Variants in OCA2 observed in about 807,000 individuals in gnomAD.
OCA2 encodes OCA2 melanosomal transmembrane protein.
In OCA2, 77 loss-of-function variants were observed where a neutral mutation model predicts 100.2. The observed-to-expected ratio is 0.77, with a 90% CI of 0.64 to 0.93. OCA2 has a LOEUF of 0.93. OCA2 is among the 40% of genes least tolerant of loss of function. OCA2 has a pLI of 0.00. For missense variants in OCA2, 1,062 were observed against 1,089.1 expected, an observed-to-expected ratio of 0.98 and a Z score of 0.35; for synonymous variants, 432 against 439.2, an observed-to-expected ratio of 0.98 and a Z score of 0.21.
chr15:28,068,398 A>C (rs1272511961), intron 2 of OCA2, among the ~76,000 whole-genome samples: 1 of 152,242 alleles, frequency 6.6e-6, no homozygotes, highest in Non-Finnish European at 1.5e-5. Flanking sequence ...ATCTCCCAAG[A>C]CTGAATTAGG....
At chr15:28,013,103 C>A (rs536206875) in intron 9 of OCA2, among the ~76,000 whole-genome samples, 6 of 152,188 alleles carry the variant, frequency 3.9e-5, no homozygotes, top group Non-Finnish European at 8.8e-5. Flanking sequence ...GACAGCAGGA[C>A]ATCCAGACAT....
chr15:28,014,609 T>C (rs1304796349), intron 9 of OCA2, among the ~76,000 whole-genome samples, 167 bp downstream of exon 9: 1 of 152,218 alleles, frequency 6.6e-6, no homozygotes, highest in East Asian at 1.9e-4. Flanking sequence ...TATTCCTGTA[T>C]GGTTCCCTTT....
Position 27,985,430 on chromosome 15 carries a change from G to A in OCA2, c.1240-242C>T, listed in dbSNP as rs536933067. On this transcript the variant is annotated intron_variant, in intron 12 of 23. Coordinates refer to ENST00000354638, the MANE Select transcript of OCA2 (RefSeq NM_000275.3). Reference sequence around the variant, plus strand: ...CCCTCTGATCCTCTTCCTTCACAGAGCCCCTGTGATGGTTAATTTGTCACA... The same window carrying A: ...CCCTCTGATCCTCTTCCTTCACAGAACCCCTGTGATGGTTAATTTGTCACA... Among the ~76,000 whole-genome samples, 22 of 152,226 alleles carry A rather than the reference G, an allele frequency of 1.4e-4. No individual in the cohort carries two copies. The South Asian group carries it at 4.4e-3, about 30-fold the overall frequency.
chr15:28,063,737 C>T (rs73377755), intron 2 of OCA2, among the ~76,000 whole-genome samples: 9,047 of 152,152 alleles, frequency 0.059, 877 homozygotes, highest in African/African-American at 0.21. Flanking sequence ...ATAAAGTACA[C>T]GTTTACACAT....
chr15:27,806,882 C>T (rs2033875682), intron 23 of OCA2, among the ~76,000 whole-genome samples: 1 of 152,146 alleles, frequency 6.6e-6, no homozygotes, highest in Admixed American at 6.5e-5. Flanking sequence ...TGGGTCAGCC[C>T]CTCAGTCTCT....
At chr15:28,010,180 G>C (rs1455012816) in intron 9 of OCA2, among the ~76,000 whole-genome samples, 2 of 151,918 alleles carry the variant, frequency 1.3e-5, no homozygotes, top group Admixed American at 1.3e-4. Context: ...AAAAGAGAGA[G>C]AGAGAAGAAA....
intron 6 of OCA2, among the ~76,000 whole-genome samples, chr15:28,019,687 G>A (rs1305028333): frequency 6.6e-6 from 1 of 152,128 alleles, no homozygotes; most frequent in Non-Finnish European, 1.5e-5. Context: ...CCGGGAGGAG[G>A]CCTCGAGCTC....
chr15:27,878,404 T>C (rs543524644), intron 19 of OCA2, among the ~76,000 whole-genome samples: 8 of 152,166 alleles, frequency 5.3e-5, no homozygotes, highest in Non-Finnish European at 1.2e-4. Context: ...CTGCTGGAAA[T>C]GAATTCCAGT....
chr15:27,731,066 G>T, the OCA2 span, among the ~76,000 whole-genome samples: 12 of 152,006 alleles, frequency 7.9e-5, no homozygotes, highest in South Asian at 2.1e-4. Context: ...ATAGTAAGCA[G>T]AATGGCATTC....
At chr15:27,989,144 TC>T (rs2041460350) in intron 11 of OCA2, among the ~76,000 whole-genome samples, 2 of 152,020 alleles carry the variant, frequency 1.3e-5, no homozygotes, top group South Asian at 4.2e-4. Context: ...CACTTCGAGA[TC>T]CTGCAGGTGG....
At chr15:28,049,424 A>G (rs932725804) in intron 2 of OCA2, among the ~76,000 whole-genome samples, 2 of 152,246 alleles carry the variant, frequency 1.3e-5, no homozygotes, top group South Asian at 2.1e-4. Context: ...AGGTTCTCAC[A>G]AAGTTAAACA....
rs559315336 is a variant in OCA2, at chr15:27,992,124, G to A, written c.1045-1477C>T. On this transcript the variant is annotated intron_variant, in intron 9 of 23. Transcript: ENST00000354638. ...AGGACGCTTTTTTTTTTTTTGAGAC[G>A]GAGTCTCACTCCGTTGCCGAGGCTG... Among the ~76,000 whole-genome samples the A allele has an allele frequency of 7.8e-3, 1,172 of 150,244 alleles. 10 individuals carry two copies. The highest frequency in any genetic ancestry group is 0.011 in the Non-Finnish European group (747 of 67,658).
At chr15:27,889,418 T>A (rs1378034727) in intron 19 of OCA2, among the ~76,000 whole-genome samples, 1 of 152,128 alleles carries the variant, frequency 6.6e-6, no homozygotes, top group African/African-American at 2.4e-5. Context: ...AGATGAGTCA[T>A]CCTGTCTGGA....
chr15:27,840,821 G>GA (rs949748041), intron 23 of OCA2, among the ~76,000 whole-genome samples: 2 of 152,068 alleles, frequency 1.3e-5, no homozygotes, highest in African/African-American at 4.8e-5. Flanking sequence ...AAACCTGGGA[G>GA]AAAAAAAGGG....
intron 21 of OCA2, among the ~76,000 whole-genome samples, chr15:27,866,551 T>A (rs995925733): frequency 6.6e-6 from 1 of 152,196 alleles, no homozygotes; most frequent in African/African-American, 2.4e-5. Flanking sequence ...TTGCTAAATA[T>A]CTTTTTGGTG....
the OCA2 span, among the ~76,000 whole-genome samples, chr15:27,740,092 G>C: frequency 6.6e-6 from 1 of 152,200 alleles, no homozygotes; most frequent in African/African-American, 2.4e-5. Context: ...TTGAGAAACT[G>C]TTCTGTTGAT....
At chr15:28,002,333 GCATGGTCTGACCC>G (rs984560254) in intron 9 of OCA2, among the ~76,000 whole-genome samples, 6 of 152,194 alleles carry the variant, frequency 3.9e-5, no homozygotes, top group Non-Finnish European at 8.8e-5. Flanking sequence ...GAGCTACAGG[GCATGGTCTGACCC>G]CATGGGGCCT....
At chr15:27,835,783 G>A (rs975006946) in intron 23 of OCA2, among the ~76,000 whole-genome samples, 1 of 152,182 alleles carries the variant, frequency 6.6e-6, no homozygotes, top group Non-Finnish European at 1.5e-5. Context: ...CAGTAACAGT[G>A]TGCTGGGTCG....
intron 20 of OCA2, among the ~76,000 whole-genome samples, chr15:27,871,534 C>T (rs1213996071): frequency 6.6e-6 from 1 of 152,236 alleles, no homozygotes. Context: ...TGGCTGCGCA[C>T]ACTGGTCACA....
Sources: allele counts gnomAD v4.1 joint callset (sites outside exome capture counted in the v4.1 genomes callset), GRCh38; gene constraint gnomAD v4.1.1; transcripts MANE v1.5; gene names NCBI Gene and HGNC (gene_info 2026-07-23, HGNC 2026-07-21).